Variants in PMPCB observed in about 807,000 individuals in gnomAD.
The protein encoded by PMPCB is peptidase, mitochondrial processing subunit beta.
In PMPCB, 46 loss-of-function variants were observed where a neutral mutation model predicts 61.5. The ratio of observed to expected loss-of-function variants is 0.75; its 90% CI spans 0.59 to 0.96. The LOEUF (loss-of-function observed/expected upper bound fraction) is 0.96. Ranked by LOEUF, PMPCB falls within the 40% of genes least tolerant of loss-of-function variation. The pLI is 0.00. For synonymous variants in PMPCB, 191 were observed against 201.6 expected, an observed-to-expected ratio of 0.95 and a Z score of 0.44; for missense variants, 590 against 602.4, an observed-to-expected ratio of 0.98 and a Z score of 0.22.
At chr7:103,309,503 A>G (rs974262333) in intron 8 of PMPCB, among the ~76,000 whole-genome samples, 1 of 152,366 alleles carries the variant, frequency 6.6e-6, no homozygotes, top group East Asian at 1.9e-4. Context: ...CTTCCTAAAC[A>G]ATATAGTATA....
At chr7:103,340,673 C>T in the PMPCB span, among the ~76,000 whole-genome samples, 178 of 152,326 alleles carry the variant, frequency 1.2e-3, 1 homozygote, top group African/African-American at 4.1e-3. Flanking sequence ...TCCAATTCCA[C>T]AGCATACGCA....
chr7:103,312,940 C>G lies in PMPCB; in HGVS notation c.*669C>G. ...TACAACAATCTATAAACGCTTAAGT[C>G]TGCAACCTTGTATCGTTTCATGCAG... On this transcript the variant is annotated 3_prime_UTR_variant, in exon 13 of 13. Transcript: ENST00000249269. 1 of 1,605,432 alleles carries G rather than the reference C, an allele frequency of 6.2e-7. No homozygotes were observed. Among genetic ancestry groups the G allele is most frequent in the Non-Finnish European group, 8.5e-7 (1 of 1,177,914 alleles).
At chr7:103,330,096 T>A (rs1166724732), downstream of PMPCB, among the ~76,000 whole-genome samples, 1 of 152,210 alleles carries the variant, frequency 6.6e-6, no homozygotes, top group Non-Finnish European at 1.5e-5. Context: ...AAAATTCTTA[T>A]CAAAACGGAA....
At position 103,310,297 on chromosome 7, in the gene PMPCB, AT is replaced by A. The variant is rs757123684; in HGVS notation, c.994-9del. On this transcript the variant is annotated splice_polypyrimidine_tract_variant and intron_variant, in intron 8 of 12. Transcript: ENST00000249269. ...CATGTATAATTAAAATTCTCTTGGA[AT>A]TTTTTTTTCCTTGCAGAATTTATCT... The A allele has an allele frequency of 1.1e-4, 176 of 1,582,230 alleles. No homozygotes were observed. Among genetic ancestry groups the A allele is most frequent in the Admixed American group, 3.6e-4 (21 of 57,828 alleles).
the PMPCB span, chr7:103,344,521 C>T: frequency 1.9e-6 from 3 of 1,611,912 alleles, no homozygotes; most frequent in Non-Finnish European, 2.5e-6. Flanking sequence ...GCAGGGGCAG[C>T]TGAGGTGAGA....
At chr7:103,333,756 C>G (rs1383279216), downstream of PMPCB, among the ~76,000 whole-genome samples, 6 of 152,164 alleles carry the variant, frequency 3.9e-5, no homozygotes. Flanking sequence ...TACAGTATGC[C>G]TATGTCTGGC....
chr7:103,313,870 G>T lies in PMPCB; in HGVS notation c.*1599G>T. 1 of 985,406 alleles carries T rather than the reference G, an allele frequency of 1.0e-6. No homozygotes were observed. The highest frequency in any genetic ancestry group is 1.2e-6 in the Non-Finnish European group (1 of 829,920). The allele number at this position is 985,406 out of a possible 1,614,324, so 61.0% of individuals were successfully genotyped here. A position where few individuals can be genotyped will look rare whatever the true frequency, so the allele number is the denominator to read the frequency against. On this transcript the variant is annotated 3_prime_UTR_variant, in exon 13 of 13. Transcript: ENST00000249269. ...AGTGGTAGAAAGCTGATTTGGTTAA[G>T]TTAATGGACTTCTGGCAATTTAGTT...
At chr7:103,343,894 CA>C in the PMPCB span, among the ~76,000 whole-genome samples, 1 of 152,290 alleles carries the variant, frequency 6.6e-6, no homozygotes, top group African/African-American at 2.4e-5. Flanking sequence ...AAATCACATT[CA>C]ACAAGCGCCT....
At chr7:103,297,631 G>T in intron 1 of PMPCB, 73 bp downstream of exon 1, 2 of 1,594,152 alleles carry the variant, frequency 1.3e-6, no homozygotes, top group South Asian at 1.1e-5. Flanking sequence ...GAGAGTCGGC[G>T]CCACAGATCC....
chr7:103,299,298 C>T (rs1563443621), intron 2 of PMPCB, 145 bp from the exon 3 acceptor site: 1 of 584,292 alleles, frequency 1.7e-6, no homozygotes, highest in Non-Finnish European at 3.0e-6. Flanking sequence ...TCATAGTTCA[C>T]AGGAATGAAC....
In PMPCB at chr7:103,299,916, A is replaced by G. The variant is rs185113095; in HGVS notation, c.328-262A>G. Among the ~76,000 whole-genome samples, 754 of 152,080 alleles carry G rather than the reference A, an allele frequency of 5.0e-3. 9 individuals are homozygous for G. Among genetic ancestry groups the G allele is most frequent in the African/African-American group, 0.017 (698 of 41,480 alleles). On this transcript the variant is annotated intron_variant, in intron 3 of 12. Coordinates refer to ENST00000249269, the MANE Select transcript of PMPCB (RefSeq NM_004279.3). ...CTGGAGTAGCTGGGAGTATCTATAT[A>G]TATATATATGTTTGTTTGTTTTTTC...
At position 103,313,622 on chromosome 7, in the gene PMPCB, G is replaced by C; in HGVS notation, c.*1351G>C. On this transcript the variant is annotated 3_prime_UTR_variant, in exon 13 of 13. Transcript: ENST00000249269. Reference sequence around the variant, plus strand: ...GTGCCCAAGGTACCAGTGCTGGAGAGGCAAGCTGAGATTAGATTGTGTTGT... The same window carrying C: ...GTGCCCAAGGTACCAGTGCTGGAGACGCAAGCTGAGATTAGATTGTGTTGT... 4 of 985,260 alleles carry C rather than the reference G, an allele frequency of 4.1e-6. No homozygotes were observed. The African/African-American group carries it at 7.0e-5, about 17-fold the overall frequency. The allele number at this position is 985,260 out of a possible 1,614,324, so 61.0% of individuals were successfully genotyped here.
chr7:103,341,038 C>T, the PMPCB span, among the ~76,000 whole-genome samples: 1 of 152,152 alleles, frequency 6.6e-6, no homozygotes, highest in Non-Finnish European at 1.5e-5. Flanking sequence ...TGTCTTGTGC[C>T]ACACAGCCAG....
In PMPCB at chr7:103,327,581, A is replaced by G. The variant is rs912942719; in HGVS notation, c.*1432-1350A>G. The G allele has an allele frequency of 2.6e-5, 26 of 987,238 alleles. No individual in the cohort carries two copies. The Admixed American group carries it at 3.2e-4, about 12-fold the overall frequency. The allele number at this position is 987,238 out of a possible 1,614,324, so 61.2% of individuals were successfully genotyped here. A position where few individuals can be genotyped will look rare whatever the true frequency, so the allele number is the denominator to read the frequency against. On this transcript the variant is annotated intron_variant and NMD_transcript_variant, in intron 12 of 12. Coordinates refer to the PMPCB transcript ENST00000444457. ...GATAGTTGAATGAACTACAGTATGCATAAGAAACCCAATCCCAGCAATTAA... is the reference window on the plus strand; with the variant it reads ...GATAGTTGAATGAACTACAGTATGCGTAAGAAACCCAATCCCAGCAATTAA...
At chr7:103,344,536 A>C in the PMPCB span, 1 of 1,613,588 alleles carries the variant, frequency 6.2e-7, no homozygotes, top group African/African-American at 1.3e-5. Flanking sequence ...GTGAGAAGGA[A>C]CCGAGGTTGG....
chr7:103,313,105 A>G lies in PMPCB; in HGVS notation c.*834A>G. ...GGGGTGAAGTCTGTATATGGACCTG[A>G]TTAAGAAAAATTTTTATTTGAAAAC... On this transcript the variant is annotated 3_prime_UTR_variant, in exon 13 of 13. Coordinates refer to ENST00000249269, the MANE Select transcript of PMPCB (RefSeq NM_004279.3). The G allele has an allele frequency of 6.3e-7, 1 of 1,593,974 alleles. No individual in the cohort carries two copies. Among genetic ancestry groups the G allele is most frequent in the Non-Finnish European group, 8.5e-7 (1 of 1,174,042 alleles).
At chr7:103,302,082 A>T (rs1460176836) in intron 4 of PMPCB, among the ~76,000 whole-genome samples, 1 of 152,308 alleles carries the variant, frequency 6.6e-6, no homozygotes. Context: ...TAGTTTGCTC[A>T]GAATGATGGT....
chr7:103,325,872 A>G (rs569789460), intron 12 of PMPCB, among the ~76,000 whole-genome samples: 1 of 152,352 alleles, frequency 6.6e-6, no homozygotes, highest in East Asian at 1.9e-4. Flanking sequence ...GGATTTCTCA[A>G]CTGACAATGA....
intron 3 of PMPCB, 39 bp from the exon 4 acceptor site, chr7:103,300,139 G>A: frequency 6.3e-7 from 1 of 1,577,838 alleles, no homozygotes; most frequent in Non-Finnish European, 8.7e-7. Flanking sequence ...GAAGTATAAA[G>A]GGAGTTTGCA....
Sources: gnomAD v4.1 joint callset for allele counts (sites outside exome capture counted in the v4.1 genomes callset) on GRCh38, gnomAD v4.1.1 for gene constraint, MANE v1.5 for transcripts, NCBI Gene and HGNC (gene_info 2026-07-23, HGNC 2026-07-21) for gene names.